Variants in THSD7B observed in about 807,000 individuals in gnomAD.
The protein encoded by THSD7B is thrombospondin type 1 domain containing 7B.
THSD7B carries 138 observed loss-of-function variants against 213.6 expected under a neutral mutation model. The observed-to-expected ratio is 0.65, with a 90% CI of 0.56 to 0.74. The LOEUF is 0.74. Among genes scored for constraint, THSD7B ranks in the 30% least tolerant of loss-of-function variants. THSD7B has a pLI of 0.00. For missense variants in THSD7B, 1,931 were observed against 1,991.5 expected (o/e 0.97, Z 0.58); for synonymous variants, 742 against 687.0 (o/e 1.08, Z -1.25).
chr2:136,879,979 A>G (rs1683592387), intron 1 of THSD7B, among the ~76,000 whole-genome samples: 1 of 152,164 alleles, frequency 6.6e-6, no homozygotes, highest in Admixed American at 6.5e-5. Flanking sequence ...GCCCTTAGAA[A>G]CCTACAAAGA....
chr2:136,813,955 T>C (rs1682429417), intron 1 of THSD7B, among the ~76,000 whole-genome samples: 1 of 152,186 alleles, frequency 6.6e-6, no homozygotes, highest in Admixed American at 6.5e-5. Context: ...CAGTGACTTG[T>C]TCTTTTGGCT....
intron 12 of THSD7B, among the ~76,000 whole-genome samples, chr2:137,323,165 G>A (rs1238611274): frequency 6.6e-6 from 1 of 152,162 alleles, no homozygotes; most frequent in African/African-American, 2.4e-5. Context: ...AAGAAAAACT[G>A]ATCAGAAATG....
chr2:137,416,811 C>T (rs968219251), intron 14 of THSD7B, among the ~76,000 whole-genome samples: 1 of 152,100 alleles, frequency 6.6e-6, no homozygotes, highest in Non-Finnish European at 1.5e-5. Flanking sequence ...ATTTTGCCCT[C>T]GATGTATAGT....
intron 7 of THSD7B, among the ~76,000 whole-genome samples, chr2:137,227,384 T>A (rs1471678372): frequency 6.6e-6 from 1 of 152,176 alleles, no homozygotes; most frequent in Non-Finnish European, 1.5e-5. Context: ...TTACAGAGCC[T>A]TTTTGAAAGA....
chr2:137,482,001 C>T (rs1688320479), intron 15 of THSD7B, among the ~76,000 whole-genome samples: 1 of 152,016 alleles, frequency 6.6e-6, no homozygotes, highest in African/African-American at 2.4e-5. Context: ...TACGGTGAAA[C>T]CCCGTCTCTA....
intron 15 of THSD7B, among the ~76,000 whole-genome samples, chr2:137,545,891 A>G (rs1460287153): frequency 6.6e-6 from 1 of 151,844 alleles, no homozygotes; most frequent in Non-Finnish European, 1.5e-5. Flanking sequence ...GTAGTTATGC[A>G]TGGTGAGGGC....
intron 12 of THSD7B, among the ~76,000 whole-genome samples, chr2:137,398,585 T>C (rs1156301521): frequency 2.6e-5 from 4 of 151,686 alleles, no homozygotes; most frequent in Non-Finnish European, 1.5e-5. Context: ...GACAGGGACA[T>C]TTAAGTCTGC....
Position 137,540,758 on chromosome 2 carries a change from C to G in THSD7B, c.3139-22463C>G, listed in dbSNP as rs371835284. ...AGGCAATTGTTTAACTTGTAGCTAC[C>G]TGAGATGGTATATAACAGTTAGGGT... On this transcript the variant is annotated intron_variant, in intron 15 of 27. Coordinates refer to ENST00000409968, the MANE Select transcript of THSD7B (RefSeq NM_001316349.2). 4.0e-5 allele frequency among the ~76,000 whole-genome samples: 6 copies of G among 151,672 alleles called. No individual in the cohort carries two copies. In the East Asian group the frequency reaches 5.9e-4, roughly 15 times the overall value.
intron 12 of THSD7B, among the ~76,000 whole-genome samples, chr2:137,334,206 C>G (rs1684586088): frequency 6.6e-6 from 1 of 151,574 alleles, no homozygotes; most frequent in African/African-American, 2.4e-5. Context: ...CTCTCTTTCT[C>G]TCTTTCTCCT....
At chr2:137,586,399 G>A (rs563131728) in intron 17 of THSD7B, among the ~76,000 whole-genome samples, 1 of 152,110 alleles carries the variant, frequency 6.6e-6, no homozygotes, top group South Asian at 2.1e-4. Flanking sequence ...TGGTTATTTT[G>A]CCCATTAGTT....
At chr2:136,948,807 G>A (rs1684987001) in intron 2 of THSD7B, among the ~76,000 whole-genome samples, 2 of 152,046 alleles carry the variant, frequency 1.3e-5, no homozygotes, top group Non-Finnish European at 2.9e-5. Context: ...AGGTCACGTC[G>A]TATGTGAGAG....
intron 24 of THSD7B, 99 bp from the exon 25 acceptor site, chr2:137,659,565 G>C (rs2104820153): frequency 1.9e-6 from 2 of 1,070,912 alleles, no homozygotes; most frequent in Admixed American, 5.4e-5. Context: ...TAATAATACT[G>C]TTGCAAAGAG....
chr2:136,913,411 C>A (rs962158816), intron 2 of THSD7B, among the ~76,000 whole-genome samples: 1 of 152,210 alleles, frequency 6.6e-6, no homozygotes, highest in African/African-American at 2.4e-5. Context: ...GAAATTCAAG[C>A]CAGCTGCAGA....
At chr2:137,375,923 C>T (rs549013617) in intron 12 of THSD7B, among the ~76,000 whole-genome samples, 1 of 152,236 alleles carries the variant, frequency 6.6e-6, no homozygotes, top group South Asian at 2.1e-4. Flanking sequence ...CATGACTACT[C>T]ATACTGATCT....
chr2:137,639,581 C>T (rs62168023), intron 20 of THSD7B, among the ~76,000 whole-genome samples: 10,115 of 152,136 alleles, frequency 0.066, 420 homozygotes, highest in Middle Eastern at 0.17. Context: ...CAGCTTGCAC[C>T]GTGTGCCTGG....
At chr2:137,001,713 T>C (rs528812612) in intron 2 of THSD7B, among the ~76,000 whole-genome samples, 1 of 152,156 alleles carries the variant, frequency 6.6e-6, no homozygotes, top group Non-Finnish European at 1.5e-5. Context: ...CAGAAATATG[T>C]TCAAATCTTT....
chr2:137,236,037 C>T (rs1681755723), intron 9 of THSD7B, among the ~76,000 whole-genome samples: 1 of 152,186 alleles, frequency 6.6e-6, no homozygotes, highest in Non-Finnish European at 1.5e-5. Flanking sequence ...TCCAGTGAAG[C>T]ACCCAAGGAG....
At chr2:136,819,116 G>C (rs1206550805) in intron 1 of THSD7B, among the ~76,000 whole-genome samples, 7 of 152,058 alleles carry the variant, frequency 4.6e-5, no homozygotes, top group African/African-American at 1.7e-4. Context: ...CAGTGGGAAC[G>C]AAAGGATCCA....
intron 6 of THSD7B, among the ~76,000 whole-genome samples, chr2:137,168,607 AAC>A (rs1383493462): frequency 3.3e-5 from 5 of 152,272 alleles, no homozygotes; most frequent in African/African-American, 1.2e-4. Context: ...TATGGAGGAA[AAC>A]TGAACATGCC....
Sources: allele counts gnomAD v4.1 joint callset (sites outside exome capture counted in the v4.1 genomes callset), GRCh38; gene constraint gnomAD v4.1.1; transcripts MANE v1.5; gene names NCBI Gene and HGNC (gene_info 2026-07-23, HGNC 2026-07-21).